The following YEATS2 variants were observed in gnomAD, a reference collection of about 807,000 sequenced individuals.
YEATS2 encodes the protein YEATS domain containing 2, also known as YEATS domain-containing protein 2.
In YEATS2, 77 loss-of-function variants were observed where a neutral mutation model predicts 163.2. The ratio of observed to expected loss-of-function variants is 0.47; its 90% CI spans 0.39 to 0.57. The LOEUF (loss-of-function observed/expected upper bound fraction) is 0.57, where lower values mean the gene tolerates loss of function less well. Among genes scored for constraint, YEATS2 ranks in the 20% least tolerant of loss-of-function variants. The probability of loss-of-function intolerance (pLI) is 0.00; values close to 1 mark genes in which losing one functional copy is unlikely to be tolerated. For missense variants in YEATS2, 1,549 were observed against 1,729.8 expected (o/e 0.90, Z 1.85); for synonymous variants, 631 against 645.1 (o/e 0.98, Z 0.33).
At chr3:183,710,234 C>G (rs1021847997) in intron 1 of YEATS2, among the ~76,000 whole-genome samples, 2 of 152,162 alleles carry the variant, frequency 1.3e-5, no homozygotes, top group African/African-American at 4.8e-5. Flanking sequence ...CCATATCTAA[C>G]AACTGCTCAT....
intron 21 of YEATS2, among the ~76,000 whole-genome samples, chr3:183,796,482 T>C (rs1276128528): frequency 6.6e-6 from 1 of 150,938 alleles, no homozygotes; most frequent in Admixed American, 6.6e-5. Context: ...TCTAAAACGA[T>C]AGAGAACATC....
chr3:183,798,202 G>T lies in YEATS2; in HGVS notation c.3226+151G>T, dbSNP rs1006391178. The T allele has an allele frequency of 3.2e-6, 4 of 1,235,694 alleles. No individual in the cohort carries two copies. The African/African-American group carries it at 6.1e-5, about 19-fold the overall frequency. 76.5% of individuals were successfully genotyped at this position (1,235,694 alleles called of 1,614,324 possible). A position where few individuals can be genotyped will look rare whatever the true frequency, so the allele number is the denominator to read the frequency against. On this transcript the variant is annotated intron_variant, in intron 22 of 30. Coordinates refer to ENST00000305135, the MANE Select transcript of YEATS2 (RefSeq NM_018023.5). ...TGTACAGCCACCCTTCAGCTGTCAT[G>T]GTATTCCCAGCGCCTTGAATGCTAG...
chr3:183,761,485 A>G (rs1250814084), intron 13 of YEATS2, 22 bp from the exon 14 acceptor site: 3 of 1,595,650 alleles, frequency 1.9e-6, no homozygotes, highest in Non-Finnish European at 2.6e-6. Context: ...TGATTGTAAA[A>G]TATGTATTTT....
At chr3:183,711,286 C>T (rs1317192877) in intron 1 of YEATS2, among the ~76,000 whole-genome samples, 4 of 151,670 alleles carry the variant, frequency 2.6e-5, no homozygotes, top group Non-Finnish European at 4.4e-5. Context: ...CTGGCTAACA[C>T]AGTAAAACCC....
chr3:183,724,648 A>G (rs771555183), intron 6 of YEATS2, 117 bp downstream of exon 6: 1 of 733,158 alleles, frequency 1.4e-6, no homozygotes, highest in South Asian at 2.3e-5. Context: ...CCAAGCCCTT[A>G]GTTGTTTAAA....
At chr3:183,727,921 G>A (rs1291049001) in intron 6 of YEATS2, among the ~76,000 whole-genome samples, 1 of 149,810 alleles carries the variant, frequency 6.7e-6, no homozygotes, top group Non-Finnish European at 1.5e-5. Flanking sequence ...TCCACCTTAT[G>A]TCTTTATCTG....
Position 183,810,825 on chromosome 3 carries a change from C to G in YEATS2, c.*242C>G. ...TGTCAGTGGATCCGTGCTTTGTCGG[C>G]CAGCGTTTCTGCAGTCTTTGTAAAG... is the stretch of plus-strand genomic sequence containing the variant. On this transcript the variant is annotated 3_prime_UTR_variant, in exon 31 of 31. Coordinates refer to ENST00000305135, the MANE Select transcript of YEATS2 (RefSeq NM_018023.5). 2.0e-6 allele frequency: 1 copy of G among 494,142 alleles called. No homozygotes were observed. Among genetic ancestry groups the G allele is most frequent in the Non-Finnish European group, 3.7e-6 (1 of 271,102 alleles). 30.6% of individuals were successfully genotyped at this position (494,142 alleles called of 1,614,324 possible).
chr3:183,759,027 T>A (rs1165487600), intron 13 of YEATS2, 62 bp downstream of exon 13: 1 of 1,239,806 alleles, frequency 8.1e-7, no homozygotes, highest in East Asian at 2.6e-5. Context: ...TTTTAAAAAA[T>A]AATTTTTCAA....
At chr3:183,779,710 T>TA (rs1471765391) in intron 19 of YEATS2, among the ~76,000 whole-genome samples, 2 of 151,868 alleles carry the variant, frequency 1.3e-5, no homozygotes, top group African/African-American at 4.8e-5. Flanking sequence ...TTTTTATATA[T>TA]TTTTTTGAGA....
In YEATS2 at chr3:183,755,770, T is replaced by G. The variant is rs1214267260; in HGVS notation, c.1391-758T>G. Among the ~76,000 whole-genome samples the G allele has an allele frequency of 1.9e-4, 22 of 112,850 alleles. 1 individual carries two copies. Among genetic ancestry groups the G allele is most frequent in the East Asian group, 3.4e-4 (1 of 2,968 alleles). 74.0% of individuals were successfully genotyped at this position (112,850 alleles called of 152,430 possible). A position where few individuals can be genotyped will look rare whatever the true frequency, so the allele number is the denominator to read the frequency against. On this transcript the variant is annotated intron_variant, in intron 11 of 30. Coordinates refer to ENST00000305135, the MANE Select transcript of YEATS2 (RefSeq NM_018023.5). Reference sequence around the variant, plus strand: ...TTTTTTTTTTTTTTTTTTTTTTTTTTGAGACAGAGTTTTGCTCTTGTTGCC... The same window carrying G: ...TTTTTTTTTTTTTTTTTTTTTTTTTGGAGACAGAGTTTTGCTCTTGTTGCC...
chr3:183,805,803 G>T (rs1577230601), intron 27 of YEATS2, among the ~76,000 whole-genome samples: 3 of 151,850 alleles, frequency 2.0e-5, no homozygotes, highest in South Asian at 4.2e-4. Flanking sequence ...AAAAAGGGGG[G>T]GCAAGTCCCA....
chr3:183,733,287 C>T (rs1272053426), intron 7 of YEATS2, among the ~76,000 whole-genome samples: 2 of 152,198 alleles, frequency 1.3e-5, no homozygotes, highest in African/African-American at 4.8e-5. Context: ...CTTTATGTAC[C>T]ACTCAGAATC....
chr3:183,716,646 TAACTTTTTAAAATAAAAACAAG>T, intron 2 of YEATS2, among the ~76,000 whole-genome samples: 2 of 152,288 alleles, frequency 1.3e-5, no homozygotes, highest in Middle Eastern at 6.8e-3. Context: ...TCACATGGCA[TAACTTTTTAAAATAAAAACAAG>T]AACAGGGAAA....
At chr3:183,798,107 A>C in intron 22 of YEATS2, 56 bp downstream of exon 22, 1 of 1,602,842 alleles carries the variant, frequency 6.2e-7, no homozygotes, top group Non-Finnish European at 8.5e-7. Flanking sequence ...ATCTCCCCGC[A>C]TTTACCAGGT....
At chr3:183,727,573 A>G (rs1266549933) in intron 6 of YEATS2, among the ~76,000 whole-genome samples, 2 of 152,224 alleles carry the variant, frequency 1.3e-5, no homozygotes, top group Non-Finnish European at 2.9e-5. Context: ...AGGCTGGGCA[A>G]CTTGGCCCCC....
intron 1 of YEATS2, among the ~76,000 whole-genome samples, chr3:183,700,844 A>G (rs1714003524): frequency 6.6e-6 from 1 of 151,234 alleles, no homozygotes; most frequent in Non-Finnish European, 1.5e-5. Context: ...CGAAATGTCC[A>G]GAAACAGGCA....
In YEATS2 at chr3:183,739,044, C is replaced by G. The variant is rs1313278169; in HGVS notation, c.924+2215C>G. ...ACAGTGTAAAAGTGTTCCTATTTCT[C>G]CACATCCTCTCCAGCACCTGTTGTT... On this transcript the variant is annotated intron_variant, in intron 8 of 30. Coordinates refer to ENST00000305135, the MANE Select transcript of YEATS2 (RefSeq NM_018023.5). Among the ~76,000 whole-genome samples the G allele has an allele frequency of 4.8e-5, 7 of 146,830 alleles. No individual in the cohort carries two copies. In the East Asian group the frequency reaches 8.2e-4, roughly 17 times the overall value.
intron 9 of YEATS2, among the ~76,000 whole-genome samples, chr3:183,748,180 C>G (rs535472814): frequency 6.9e-4 from 104 of 151,528 alleles, no homozygotes; most frequent in African/African-American, 2.3e-3. Context: ...GGCTCCTCTC[C>G]CCTTGTCTCC....
At chr3:183,767,249 A>G (rs1182687082) in intron 15 of YEATS2, among the ~76,000 whole-genome samples, 2 of 151,218 alleles carry the variant, frequency 1.3e-5, no homozygotes, top group Admixed American at 1.3e-4. Context: ...GTTTTGAGAC[A>G]GCGTCTAGCT....
Sources: gnomAD v4.1 joint callset for allele counts (sites outside exome capture counted in the v4.1 genomes callset) on GRCh38, gnomAD v4.1.1 for gene constraint, MANE v1.5 for transcripts, NCBI Gene and HGNC (gene_info 2026-07-23, HGNC 2026-07-21) for gene names.